Variants in PTPRT observed in about 807,000 individuals in gnomAD.
The protein encoded by PTPRT is receptor-type tyrosine-protein phosphatase T.
PTPRT carries 56 observed loss-of-function variants against 176.8 expected under a neutral mutation model. That is an observed-to-expected ratio of 0.32 (90% confidence interval 0.26 to 0.40). PTPRT has a LOEUF of 0.40. PTPRT is among the 10% of genes least tolerant of loss of function. The probability of loss-of-function intolerance (pLI) is 1.00; values close to 1 mark genes in which losing one functional copy is unlikely to be tolerated. For missense variants in PTPRT, 1,540 were observed against 1,908.2 expected, an observed-to-expected ratio of 0.81 and a Z score of 3.60; for synonymous variants, 783 against 739.0, an observed-to-expected ratio of 1.06 and a Z score of -0.96.
At chr20:42,884,648 T>C (rs1223613762) in intron 2 of PTPRT, among the ~76,000 whole-genome samples, 1 of 152,100 alleles carries the variant, frequency 6.6e-6, no homozygotes, top group African/African-American at 2.4e-5. Flanking sequence ...CCAGTAAGCC[T>C]GAAGAACTCT....
chr20:42,046,143 T>A, the PTPRT span, among the ~76,000 whole-genome samples: 1 of 152,214 alleles, frequency 6.6e-6, no homozygotes, highest in Admixed American at 6.5e-5. Context: ...TTCCTGGGGC[T>A]GGGAGCACCC....
At position 42,128,741 on chromosome 20, in the gene PTPRT, T is replaced by C. The variant is rs1212631387; in HGVS notation, c.2847+13A>G. 1 of 1,580,432 alleles carries C rather than the reference T, an allele frequency of 6.3e-7. No homozygotes were observed. Among genetic ancestry groups the C allele is most frequent in the Admixed American group, 1.7e-5 (1 of 57,354 alleles). On this transcript the variant is annotated intron_variant, in intron 19 of 30. Transcript: ENST00000373187. ...AAGCCAGCCCCAGCCCCCAGCCCCA[T>C]TAAGACACTCACGTCAATGTAGTTG...
chr20:42,694,083 G>C (rs2075834614), intron 6 of PTPRT, among the ~76,000 whole-genome samples: 1 of 147,104 alleles, frequency 6.8e-6, no homozygotes, highest in Non-Finnish European at 1.5e-5. Context: ...CTGTCGCCCA[G>C]GCTGGAGTGC....
chr20:42,600,180 C>A (rs746782271), intron 7 of PTPRT, among the ~76,000 whole-genome samples: 12 of 152,048 alleles, frequency 7.9e-5, no homozygotes, highest in Non-Finnish European at 1.8e-4. Flanking sequence ...CACTCTGTCA[C>A]CCCCACTGGA....
At chr20:43,161,629 A>G (rs2014701523) in intron 1 of PTPRT, among the ~76,000 whole-genome samples, 1 of 152,194 alleles carries the variant, frequency 6.6e-6, no homozygotes, top group African/African-American at 2.4e-5. Flanking sequence ...CAGAGCTTCA[A>G]ACTTCCTCTC....
At chr20:43,149,823 T>C (rs1202060410) in intron 1 of PTPRT, among the ~76,000 whole-genome samples, 6 of 152,214 alleles carry the variant, frequency 3.9e-5, no homozygotes, top group Admixed American at 3.9e-4. Context: ...CTGCACAGCA[T>C]CTGGAACACC....
chr20:43,003,277 A>G (rs1050509702), intron 1 of PTPRT, among the ~76,000 whole-genome samples: 3 of 152,202 alleles, frequency 2.0e-5, no homozygotes, highest in East Asian at 1.9e-4. Flanking sequence ...AGGTCTACCA[A>G]CTGGGCTCAA....
At chr20:42,848,225 T>C (rs2078410160) in intron 2 of PTPRT, among the ~76,000 whole-genome samples, 1 of 152,222 alleles carries the variant, frequency 6.6e-6, no homozygotes, top group Admixed American at 6.5e-5. Flanking sequence ...CTTCATCCAC[T>C]TGTTGATTGA....
chr20:42,143,535 C>T (rs558091034), intron 17 of PTPRT, among the ~76,000 whole-genome samples: 13 of 142,612 alleles, frequency 9.1e-5, no homozygotes, highest in South Asian at 4.4e-4. Flanking sequence ...CCAGCCTGGG[C>T]GACAGAGCGA....
At chr20:42,668,858 ATTTTTT>A (rs755121515) in intron 7 of PTPRT, among the ~76,000 whole-genome samples, 13 of 81,290 alleles carry the variant, frequency 1.6e-4, no homozygotes, top group East Asian at 7.3e-4. Context: ...CGCCCAGCTA[ATTTTTT>A]TTTTTTTTTT....
chr20:43,189,505 G>T lies in PTPRT; in HGVS notation c.88+141C>A. On this transcript the variant is annotated intron_variant, in intron 1 of 30. Transcript: ENST00000373187. The surrounding 1 kb of genome is among the most constrained non-coding windows in gnomAD (Gnocchi z 5.0). ...GGGACACTGCTTCCCGCGCCTGCAA[G>T]CTGAGACCCGGGTTCCGGCCATGGG... is the stretch of plus-strand genomic sequence containing the variant. The T allele has an allele frequency of 2.2e-6, 1 of 448,620 alleles. No homozygotes were observed. Among genetic ancestry groups the T allele is most frequent in the Non-Finnish European group, 3.4e-6 (1 of 291,308 alleles). The allele number at this position is 448,620 out of a possible 1,614,324, so 27.8% of individuals were successfully genotyped here. A position where few individuals can be genotyped will look rare whatever the true frequency, so the allele number is the denominator to read the frequency against.
At chr20:42,900,421 G>T (rs970056224) in intron 1 of PTPRT, among the ~76,000 whole-genome samples, 1 of 152,086 alleles carries the variant, frequency 6.6e-6, no homozygotes, top group Non-Finnish European at 1.5e-5. Context: ...GCTTGTCCCC[G>T]GTATGAATGC....
intron 1 of PTPRT, among the ~76,000 whole-genome samples, chr20:42,906,324 G>C (rs1015366890): frequency 2.0e-5 from 3 of 152,190 alleles, no homozygotes; most frequent in African/African-American, 7.2e-5. Flanking sequence ...TCAGAGGGGA[G>C]CACAGCCGCT....
chr20:43,115,985 G>A (rs772593830), intron 1 of PTPRT, among the ~76,000 whole-genome samples: 1 of 152,182 alleles, frequency 6.6e-6, no homozygotes, highest in Admixed American at 6.5e-5. Flanking sequence ...TTCTGTAGGT[G>A]CCAACTCTGG....
At chr20:42,352,778 C>T (rs927654769) in intron 9 of PTPRT, among the ~76,000 whole-genome samples, 3 of 152,124 alleles carry the variant, frequency 2.0e-5, no homozygotes, top group Admixed American at 6.5e-5. Flanking sequence ...CCCCATCTAT[C>T]GAGATATGAT....
chr20:42,597,356 T>C (rs1257367147), intron 7 of PTPRT, among the ~76,000 whole-genome samples: 1 of 152,218 alleles, frequency 6.6e-6, no homozygotes, highest in Non-Finnish European at 1.5e-5. Flanking sequence ...ATTCACAGGA[T>C]TGACACCCAT....
chr20:42,606,305 C>T (rs1309027364), intron 7 of PTPRT, among the ~76,000 whole-genome samples: 1 of 152,112 alleles, frequency 6.6e-6, no homozygotes, highest in Non-Finnish European at 1.5e-5. Flanking sequence ...TGTGGTAGGG[C>T]CAGCCCAGCA....
At chr20:42,820,581 A>G (rs2077874590) in intron 2 of PTPRT, among the ~76,000 whole-genome samples, 1 of 152,138 alleles carries the variant, frequency 6.6e-6, no homozygotes, top group African/African-American at 2.4e-5. Flanking sequence ...AGAAGAATTG[A>G]AGGAGATAGA....
chr20:42,255,110 G>A (rs1246977493), intron 13 of PTPRT, among the ~76,000 whole-genome samples: 2 of 152,078 alleles, frequency 1.3e-5, no homozygotes, highest in Non-Finnish European at 2.9e-5. Context: ...CAGAAGGGAC[G>A]ACAAGACTTC....
Sources: allele counts gnomAD v4.1 joint callset (sites outside exome capture counted in the v4.1 genomes callset), GRCh38; gene constraint gnomAD v4.1.1; non-coding constraint Gnocchi (gnomAD v3.1); transcripts MANE v1.5; gene names NCBI Gene and HGNC (gene_info 2026-07-23, HGNC 2026-07-21).